The following PLCXD2 variants were observed in gnomAD, a reference collection of about 807,000 sequenced individuals.
The protein encoded by PLCXD2 is PI-PLC X domain-containing protein 2.
PLCXD2 carries 21 observed loss-of-function variants against 28.6 expected under a neutral mutation model. That is an observed-to-expected ratio of 0.73 (90% confidence interval 0.52 to 1.06). PLCXD2 has a LOEUF of 1.06. PLCXD2 is among the 50% of genes least tolerant of loss of function. The pLI is 0.00. For missense variants in PLCXD2, 369 were observed against 376.7 expected, an observed-to-expected ratio of 0.98 and a Z score of 0.17; for synonymous variants, 140 against 150.1, an observed-to-expected ratio of 0.93 and a Z score of 0.49.
intron 1 of PLCXD2, chr3:111,676,633 T>A (rs765928800): frequency 1.3e-5 from 2 of 152,210 alleles, no homozygotes; most frequent in Non-Finnish European, 2.9e-5. Context: ...TGACTACAGT[T>A]CCTTGGGAAA....
intron 1 of PLCXD2, among the ~76,000 whole-genome samples, chr3:111,703,583 T>C (rs1194677106): frequency 6.6e-6 from 1 of 152,240 alleles, no homozygotes; most frequent in Non-Finnish European, 1.5e-5. Context: ...AAGTTCAGTA[T>C]GTGCCTTGCA....
chr3:111,690,066 G>A (rs1221721183), intron 1 of PLCXD2, among the ~76,000 whole-genome samples: 1 of 152,150 alleles, frequency 6.6e-6, no homozygotes, highest in Non-Finnish European at 1.5e-5. Flanking sequence ...TTTTACAGAT[G>A]AAGAAATTCA....
In PLCXD2 at chr3:111,675,316, C is replaced by G. The variant is rs1196551685; in HGVS notation, c.71C>G (p.Thr24Arg). ...ATCTGCTCCCCCAACCCCAGCGGGA[C>G]AAAGACATCATCGGAGGTCTGCAAT... Residue 24 changes from threonine (T) to arginine (R), a missense_variant, in exon 1 of 5, where the codon ACA becomes AGA. Thr to Arg is a moderately conservative substitution (Grantham distance 71, BLOSUM62 -1). Transcript: ENST00000477665. 5 of 1,614,176 alleles carry G rather than the reference C, an allele frequency of 3.1e-6. No individual in the cohort carries two copies. The highest frequency in any genetic ancestry group is 4.2e-6 in the Non-Finnish European group (5 of 1,180,020).
chr3:111,695,559 A>G (rs572814291), intron 1 of PLCXD2, among the ~76,000 whole-genome samples: 354 of 152,386 alleles, frequency 2.3e-3, no homozygotes, highest in African/African-American at 8.3e-3. Flanking sequence ...ATGCTTGGCC[A>G]TGCTTATGTC....
chr3:111,717,324 G>T (rs1420772248), intron 3 of PLCXD2, among the ~76,000 whole-genome samples: 4 of 152,024 alleles, frequency 2.6e-5, no homozygotes, highest in African/African-American at 9.7e-5. Flanking sequence ...TCCCAGCTGG[G>T]CCCCAAGGTC....
chr3:111,697,672 A>G (rs1940981835), intron 1 of PLCXD2, among the ~76,000 whole-genome samples: 1 of 152,290 alleles, frequency 6.6e-6, no homozygotes. Flanking sequence ...AATGGATTAT[A>G]TAGGCTTCTA....
intron 1 of PLCXD2, among the ~76,000 whole-genome samples, chr3:111,676,455 G>A (rs373909023): frequency 6.6e-6 from 1 of 152,188 alleles, no homozygotes; most frequent in African/African-American, 2.4e-5. Context: ...TTTGCTTTCT[G>A]TGCATGAGGA....
intron 1 of PLCXD2, among the ~76,000 whole-genome samples, chr3:111,683,891 G>A (rs1576453399): frequency 6.6e-6 from 1 of 152,114 alleles, no homozygotes. Context: ...CAGTAAGGAT[G>A]CTCTAGAGGG....
At chr3:111,684,791 G>T (rs1398660127) in intron 1 of PLCXD2, among the ~76,000 whole-genome samples, 2 of 152,132 alleles carry the variant, frequency 1.3e-5, no homozygotes, top group Non-Finnish European at 2.9e-5. Flanking sequence ...GAACTAGGAA[G>T]TACTGTAACC....
intron 3 of PLCXD2, chr3:111,726,143 A>G (rs1166601287): frequency 2.9e-6 from 1 of 339,844 alleles, no homozygotes; most frequent in African/African-American, 2.1e-5. Flanking sequence ...GAAGCACAGC[A>G]CTTTGAAAAG....
chr3:111,702,390 C>T (rs990168023), intron 1 of PLCXD2, among the ~76,000 whole-genome samples: 5 of 152,208 alleles, frequency 3.3e-5, no homozygotes, highest in Admixed American at 6.5e-5. Flanking sequence ...CAGACAAAGG[C>T]GGCAGGACTG....
intron 1 of PLCXD2, among the ~76,000 whole-genome samples, chr3:111,687,449 G>T (rs187099113): frequency 8.5e-5 from 13 of 152,100 alleles, no homozygotes; most frequent in Non-Finnish European, 1.8e-4. Context: ...ACCATAAGGC[G>T]TACTTATATG....
intron 1 of PLCXD2, among the ~76,000 whole-genome samples, chr3:111,699,870 A>T (rs1299489851): frequency 6.6e-6 from 1 of 152,206 alleles, no homozygotes; most frequent in African/African-American, 2.4e-5. Flanking sequence ...GGCAGGGTGT[A>T]TCTTAGAACA....
At chr3:111,683,200 G>A (rs1940743898) in intron 1 of PLCXD2, among the ~76,000 whole-genome samples, 1 of 152,176 alleles carries the variant, frequency 6.6e-6, no homozygotes, top group South Asian at 2.1e-4. Context: ...GAGCACCCTT[G>A]GGTTGAAATA....
At position 111,708,372 on chromosome 3, in the gene PLCXD2, GAGA is replaced by G. The variant is rs770592107; in HGVS notation, c.615_617del (p.Lys205del). ...AAGTTTGACGCTGCGAACTCTGTGG[GAGA>G]AGAACTGCCAGGTAGGAGGGAAGGA... On this transcript the variant is annotated inframe_deletion, in exon 2 of 5. Coordinates refer to ENST00000477665, the MANE Select transcript of PLCXD2 (RefSeq NM_001185106.1). 14 of 1,613,438 alleles carry G rather than the reference GAGA, an allele frequency of 8.7e-6. No homozygotes were observed. In the African/African-American group the frequency reaches 1.6e-4, roughly 18 times the overall value.
intron 3 of PLCXD2, chr3:111,723,058 C>T (rs755367890): frequency 2.6e-5 from 4 of 152,172 alleles, no homozygotes; most frequent in African/African-American, 2.4e-5. Context: ...ATGCTAATGA[C>T]AAGCTCTGAA....
chr3:111,698,794 TC>T (rs1165432377), intron 1 of PLCXD2, among the ~76,000 whole-genome samples: 2 of 152,192 alleles, frequency 1.3e-5, no homozygotes, highest in Admixed American at 1.3e-4. Context: ...AGGGTGGTGG[TC>T]TGTCTCAGCC....
chr3:111,723,050 G>A (rs1358593716), intron 3 of PLCXD2: 1 of 152,106 alleles, frequency 6.6e-6, no homozygotes, highest in African/African-American at 2.4e-5. Context: ...GATGCTAAAT[G>A]CTAATGACAA....
intron 3 of PLCXD2, chr3:111,725,530 C>T (rs956050352): frequency 1.0e-5 from 4 of 397,704 alleles, no homozygotes; most frequent in Non-Finnish European, 1.8e-5. Flanking sequence ...CTTCTAGAAA[C>T]AAGGACTCCA....
Sources: gnomAD v4.1 joint callset for allele counts (sites outside exome capture counted in the v4.1 genomes callset) on GRCh38, gnomAD v4.1.1 for gene constraint, MANE v1.5 for transcripts, NCBI Gene and HGNC (gene_info 2026-07-23, HGNC 2026-07-21) for gene names.